Variants in USP25 observed in about 807,000 individuals in gnomAD.
USP25 encodes ubiquitin carboxyl-terminal hydrolase 25.
In USP25, 85 loss-of-function variants were observed where a neutral mutation model predicts 158.5. That is an observed-to-expected ratio of 0.54 (90% CI 0.45 to 0.64). The LOEUF is 0.64. USP25 is among the 30% of genes least tolerant of loss of function. USP25 has a pLI of 0.00. For missense variants in USP25, 1,242 were observed against 1,327.3 expected (o/e 0.94, Z 1.00); for synonymous variants, 464 against 460.4 (o/e 1.01, Z -0.10).
At chr21:15,859,835 T>C (rs1230689814) in intron 20 of USP25, among the ~76,000 whole-genome samples, 1 of 151,626 alleles carries the variant, frequency 6.6e-6, no homozygotes, top group African/African-American at 2.4e-5. Flanking sequence ...CCCTTTTTGG[T>C]CTTCCATCCA....
chr21:15,866,452 T>TA (rs1987203927), intron 22 of USP25, 108 bp downstream of exon 22: 3 of 700,048 alleles, frequency 4.3e-6, no homozygotes, highest in Middle Eastern at 4.5e-4. Flanking sequence ...GAATGATGAG[T>TA]AAAAAAATTA....
At position 15,754,408 on chromosome 21, in the gene USP25, G is replaced by A. The variant is rs1049449132; in HGVS notation, c.46-8483G>A. Among the ~76,000 whole-genome samples, 6 of 152,308 alleles carry A rather than the reference G, an allele frequency of 3.9e-5. No individual in the cohort carries two copies. The East Asian group carries it at 7.7e-4, about 20-fold the overall frequency. ...ATGTACCAGGAGTACAGTGATGAAC[G>A]AATTATGGTCTCATTGATAACTTTG... On this transcript the variant is annotated intron_variant, in intron 1 of 25. Coordinates refer to ENST00000400183, the MANE Select transcript of USP25 (RefSeq NM_001283041.3).
chr21:15,804,369 A>C (rs2146266343), intron 6 of USP25, among the ~76,000 whole-genome samples: 1 of 151,614 alleles, frequency 6.6e-6, no homozygotes, highest in Non-Finnish European at 1.5e-5. Context: ...TGGTCTAATT[A>C]TTAAATTAAT....
At chr21:15,758,332 A>C (rs2033519932) in intron 1 of USP25, among the ~76,000 whole-genome samples, 1 of 152,168 alleles carries the variant, frequency 6.6e-6, no homozygotes, top group Non-Finnish European at 1.5e-5. Flanking sequence ...CTTGAATTGT[A>C]GTTCCCATAA....
Position 15,827,128 on chromosome 21 carries a change from A to G in USP25, c.1618A>G (p.Ile540Val), listed in dbSNP as rs2146366804. The G allele has an allele frequency of 1.9e-6, 3 of 1,614,236 alleles. No individual in the cohort carries two copies. The South Asian group carries it at 3.3e-5, about 18-fold the overall frequency. The stretch of plus-strand genomic sequence containing the variant: ...GCCCATGCATCCGGCACCAAGGCAC[A>G]TAACGGAGGAAGAACTTTCTGTGCT... ...DLPMHPAPRH[I>V]TEEELSVLES... Residue 540 changes from isoleucine (I) to valine (V), a missense_variant, in exon 14 of 26, where the codon ATA (isoleucine) becomes GTA (valine). By Grantham distance (29) the Ile-to-Val change is conservative (BLOSUM62 3). This residue lies in a region of USP25 where 627 missense variants were observed against 701.4 expected (regional missense o/e 0.89). Coordinates refer to ENST00000400183, the MANE Select transcript of USP25 (RefSeq NM_001283041.3).
At chr21:15,806,439 T>C (rs1296504416) in intron 7 of USP25, among the ~76,000 whole-genome samples, 7 of 151,800 alleles carry the variant, frequency 4.6e-5, no homozygotes, top group Non-Finnish European at 1.0e-4. Flanking sequence ...CTTTTTTTTT[T>C]TTCTTTCTTT....
At chr21:15,820,651 CAT>C (rs1486997167) in intron 10 of USP25, among the ~76,000 whole-genome samples, 1 of 151,922 alleles carries the variant, frequency 6.6e-6, no homozygotes, top group Admixed American at 6.6e-5. Flanking sequence ...TAAAAAATAA[CAT>C]ATTTAAATTA....
chr21:15,830,595 G>T lies in USP25; in HGVS notation c.1758G>T (p.Met586Ile). ...AATTAATGTACTCTGACAAATCTAT[G>T]ATACAAGTAAGTGAAATTTTGAGCT... ...TIELMYSDKS[M>I]IQVPYRLHAV... The change falls in exon 15 of 26, where the codon ATG becomes ATT. Residue 586 changes from methionine to isoleucine, a missense_variant. Physicochemically the swap from Met to Ile is conservative, Grantham distance 10. Coordinates refer to ENST00000400183, the MANE Select transcript of USP25 (RefSeq NM_001283041.3). The T allele has an allele frequency of 6.3e-7, 1 of 1,589,808 alleles. No homozygotes were observed. The highest frequency in any genetic ancestry group is 1.3e-5 in the African/African-American group (1 of 74,306).
intron 4 of USP25, among the ~76,000 whole-genome samples, chr21:15,786,649 C>A (rs1224211810): frequency 5.3e-5 from 8 of 152,008 alleles, no homozygotes; most frequent in Admixed American, 1.3e-4. Flanking sequence ...AGTTGAGAAA[C>A]CCACAGCTAG....
chr21:15,852,339 G>T (rs1341350082), intron 20 of USP25, among the ~76,000 whole-genome samples: 1 of 151,954 alleles, frequency 6.6e-6, no homozygotes, highest in Non-Finnish European at 1.5e-5. Context: ...GTTGATATTA[G>T]CAGCCAGACT....
chr21:15,736,002 GTA>G (rs1346739180), intron 1 of USP25, among the ~76,000 whole-genome samples: 69 of 150,876 alleles, frequency 4.6e-4, no homozygotes, highest in Admixed American at 1.3e-3. Context: ...GTGTGTGTGT[GTA>G]TGTATGTACA....
rs60616271 is a variant in USP25 at position 15,740,641 on chromosome 21, GTTTTTTTTTTTTTTTTT to G, written c.45+10220_45+10236del. Among the ~76,000 whole-genome samples, 26 of 41,244 alleles carry G rather than the reference GTTTTTTTTTTTTTTTTT, an allele frequency of 6.3e-4. 1 individual carries two copies. The highest frequency in any genetic ancestry group is 8.5e-4 in the African/African-American group (19 of 22,470). 27.1% of individuals were successfully genotyped at this position (41,244 alleles called of 152,430 possible). Reference sequence around the variant, plus strand: ...GTAATCTTCCTGTTTCTTTCTGGCTGTTTTTTTTTTTTTTTTTTTTTTTTTTTTTTTTTGGTATGTGC... The same window carrying G: ...GTAATCTTCCTGTTTCTTTCTGGCTGTTTTTTTTTTTTTTTTGGTATGTGC... On this transcript the variant is annotated intron_variant, in intron 1 of 25. Transcript: ENST00000400183.
intron 22 of USP25, among the ~76,000 whole-genome samples, chr21:15,866,720 T>C (rs1330732236): frequency 6.6e-6 from 1 of 152,150 alleles, no homozygotes; most frequent in African/African-American, 2.4e-5. Context: ...ATCAAGACCC[T>C]ACTATATGCC....
intron 6 of USP25, among the ~76,000 whole-genome samples, chr21:15,801,396 C>T (rs954895684): frequency 6.6e-6 from 1 of 151,530 alleles, no homozygotes; most frequent in African/African-American, 2.4e-5. Flanking sequence ...GGGTTAGCCT[C>T]TCCAGGTGTC....
chr21:15,866,206 T>C lies in USP25; in HGVS notation c.2727-60T>C, dbSNP rs910490830. 8.6e-6 allele frequency: 7 copies of C among 817,810 alleles called. No individual in the cohort carries two copies. In the South Asian group the frequency reaches 1.7e-4, roughly 20 times the overall value. The allele number at this position is 817,810 out of a possible 1,614,324, so 50.7% of individuals were successfully genotyped here. Reference sequence around the variant, plus strand: ...GGATTTTGCTTTTGATTTACAAATATATATATATATATATACACACACATA... The same window carrying C: ...GGATTTTGCTTTTGATTTACAAATACATATATATATATATACACACACATA... On this transcript the variant is annotated intron_variant, in intron 21 of 25. Transcript: ENST00000400183.
chr21:15,758,840 A>G (rs1211626954), intron 1 of USP25, among the ~76,000 whole-genome samples: 1 of 152,118 alleles, frequency 6.6e-6, no homozygotes, highest in Non-Finnish European at 1.5e-5. Flanking sequence ...CTATCACAAG[A>G]ACAGCATGGG....
chr21:15,772,954 A>C (rs2034440786), intron 3 of USP25, among the ~76,000 whole-genome samples: 1 of 151,486 alleles, frequency 6.6e-6, no homozygotes, highest in Non-Finnish European at 1.5e-5. Flanking sequence ...CTGTGAAAAG[A>C]AGCAGTTTTA....
chr21:15,732,170 A>G (rs2030977262), intron 1 of USP25, among the ~76,000 whole-genome samples: 1 of 152,200 alleles, frequency 6.6e-6, no homozygotes, highest in African/African-American at 2.4e-5. Flanking sequence ...TCCCCTCCAC[A>G]CACAAAGGGA....
At chr21:15,829,229 G>A (rs1440815534) in intron 14 of USP25, among the ~76,000 whole-genome samples, 2 of 151,850 alleles carry the variant, frequency 1.3e-5, no homozygotes, top group African/African-American at 2.4e-5. Context: ...ACATGTCTTG[G>A]GGGTTTGGTG....
Sources: allele counts gnomAD v4.1 joint callset (sites outside exome capture counted in the v4.1 genomes callset), GRCh38; gene constraint gnomAD v4.1.1; regional missense constraint gnomAD v4.1.1; transcripts MANE v1.5; gene names NCBI Gene and HGNC (gene_info 2026-07-23, HGNC 2026-07-21).